The following SCN9A variants were observed in gnomAD, a reference collection of about 807,000 sequenced individuals.
The protein encoded by SCN9A is sodium channel protein type 9 subunit alpha.
A neutral mutation model predicts 187.0 loss-of-function variants in SCN9A; 131 were observed. The ratio of observed to expected loss-of-function variants is 0.70; its 90% CI spans 0.61 to 0.81. SCN9A has a LOEUF of 0.81. SCN9A is among the 30% of genes least tolerant of loss of function. The pLI, the probability that SCN9A is intolerant of heterozygous loss-of-function variation, is 0.00. For synonymous variants in SCN9A, 809 were observed against 808.6 expected (o/e 1.00, Z -0.01); for missense variants, 2,252 against 2,396.6 (o/e 0.94, Z 1.26).
intron 26 of SCN9A, among the ~76,000 whole-genome samples, chr2:166,202,636 C>T (rs1051529709): frequency 6.6e-6 from 1 of 151,750 alleles, no homozygotes; most frequent in Non-Finnish European, 1.5e-5. Flanking sequence ...AAGTACATGA[C>T]AATCCTTTCA....
chr2:166,364,587 C>A (rs4564789), intron 1 of SCN9A, among the ~76,000 whole-genome samples: 30,839 of 152,030 alleles, frequency 0.2, 4,040 homozygotes, highest in Non-Finnish European at 0.29. Context: ...CATGAAAAGA[C>A]AAATGCTATA....
At chr2:166,273,695 C>T (rs1407308419) in intron 16 of SCN9A, among the ~76,000 whole-genome samples, 2 of 151,284 alleles carry the variant, frequency 1.3e-5, no homozygotes, top group African/African-American at 4.9e-5. Flanking sequence ...GGGCAGGAAA[C>T]ATGTAAATTG....
chr2:166,213,709 A>T (rs1694197654), intron 24 of SCN9A, among the ~76,000 whole-genome samples: 1 of 152,188 alleles, frequency 6.6e-6, no homozygotes, highest in Admixed American at 6.5e-5. Context: ...AGAAAATTAC[A>T]GCTTTTGAAG....
rs149510675 is a variant in SCN9A, at chr2:166,254,479, T to C, written c.3352-2594A>G. Among the ~76,000 whole-genome samples the C allele has an allele frequency of 1.5e-3, 226 of 151,588 alleles. 1 individual carries two copies. The highest frequency in any genetic ancestry group is 5.1e-3 in the African/African-American group (212 of 41,514). ...ACCTTTATATAGAAAGGCTGATATA[T>C]ATAATAAAGTTTTTTTTTCCTGCGG... On this transcript the variant is annotated intron_variant, in intron 17 of 26. Transcript: ENST00000642356.
chr2:166,200,288 T>C (rs56821066), intron 26 of SCN9A, among the ~76,000 whole-genome samples: 134,894 of 151,490 alleles, frequency 0.89, 60,176 homozygotes, highest in East Asian at 0.95. Flanking sequence ...TGAGCCACCG[T>C]GCCCGGCCAA....
chr2:166,263,039 G>T (rs750940878), intron 17 of SCN9A, among the ~76,000 whole-genome samples: 3 of 151,908 alleles, frequency 2.0e-5, no homozygotes, highest in Admixed American at 6.6e-5. Flanking sequence ...CCTTATCGTG[G>T]CAGAAGGGAG....
intron 24 of SCN9A, among the ~76,000 whole-genome samples, chr2:166,222,955 A>AAAAAAAAAAAAAAAAAAAC (rs1694675021): frequency 7.9e-6 from 1 of 125,936 alleles, no homozygotes; most frequent in Non-Finnish European, 1.7e-5. Context: ...CAAAAAAAAA[A>AAAAAAAAAAAAAAAAAAAC]AAAAAAAAAA....
At chr2:166,310,802 G>T in intron 2 of SCN9A, among the ~76,000 whole-genome samples, 1 of 77,516 alleles carries the variant, frequency 1.3e-5, no homozygotes, top group Non-Finnish European at 2.6e-5. Context: ...GCACACATAT[G>T]TTTATTGTGG....
chr2:166,323,702 C>T (rs376288233), intron 1 of SCN9A, among the ~76,000 whole-genome samples: 4 of 151,926 alleles, frequency 2.6e-5, no homozygotes, highest in African/African-American at 9.7e-5. Context: ...GGCACCAATT[C>T]TATTGTGGCT....
Position 166,228,978 on chromosome 2 carries a change from A to G in SCN9A, c.3925-6T>C. ...ATGAGTGCATTCACAACGACCTAGTATTCAAAAGAAAGAAAAGCATGATTA... is the reference window on the plus strand; with the variant it reads ...ATGAGTGCATTCACAACGACCTAGTGTTCAAAAGAAAGAAAAGCATGATTA... On this transcript the variant is annotated splice_polypyrimidine_tract_variant and splice_region_variant and intron_variant, in intron 21 of 26. Transcript: ENST00000642356. 6.2e-7 allele frequency: 1 copy of G among 1,604,488 alleles called. No individual in the cohort carries two copies. Among genetic ancestry groups the G allele is most frequent in the Non-Finnish European group, 8.5e-7 (1 of 1,172,826 alleles).
At chr2:166,272,003 G>C (rs1254994037) in intron 17 of SCN9A, among the ~76,000 whole-genome samples, 1 of 152,134 alleles carries the variant, frequency 6.6e-6, no homozygotes, top group African/African-American at 2.4e-5. Flanking sequence ...AATGGAAGCA[G>C]AGGCATCAGT....
intron 1 of SCN9A, among the ~76,000 whole-genome samples, chr2:166,362,889 C>A (rs549368350): frequency 2.0e-5 from 3 of 152,032 alleles, no homozygotes; most frequent in African/African-American, 7.2e-5. Flanking sequence ...GATGAATTGA[C>A]CTGTTCATTT....
intron 17 of SCN9A, among the ~76,000 whole-genome samples, chr2:166,263,482 T>C (rs1696600618): frequency 6.6e-6 from 1 of 152,028 alleles, no homozygotes; most frequent in Non-Finnish European, 1.5e-5. Context: ...GTTCACTGCC[T>C]GTACTGCAAG....
At chr2:166,205,493 C>T (rs1430144999) in intron 24 of SCN9A, among the ~76,000 whole-genome samples, 1 of 152,156 alleles carries the variant, frequency 6.6e-6, no homozygotes, top group East Asian at 1.9e-4. Flanking sequence ...CTTCCTTACA[C>T]CTTGTACAAA....
chr2:166,283,386 A>G (rs1039520842), intron 12 of SCN9A, among the ~76,000 whole-genome samples: 4 of 152,180 alleles, frequency 2.6e-5, no homozygotes, highest in African/African-American at 9.6e-5. Context: ...CTTTACTCTC[A>G]CTTGAAATAC....
chr2:166,306,655 G>T, intron 3 of SCN9A, 56 bp from the exon 4 acceptor site: 3 of 1,199,758 alleles, frequency 2.5e-6, no homozygotes, highest in African/African-American at 1.5e-5. Flanking sequence ...AATATTTGAG[G>T]ATGACACTTG....
chr2:166,262,090 C>G lies in SCN9A; in HGVS notation c.3352-10205G>C, dbSNP rs553439485. Reference sequence around the variant, plus strand: ...GAGAGCTGGATAAGTCTTAGTAGCACTAAGAACCTCATAGTTACCTCAGCA... The same window carrying G: ...GAGAGCTGGATAAGTCTTAGTAGCAGTAAGAACCTCATAGTTACCTCAGCA... On this transcript the variant is annotated intron_variant, in intron 17 of 26. Transcript: ENST00000642356. Among the ~76,000 whole-genome samples, 67 of 151,926 alleles carry G rather than the reference C, an allele frequency of 4.4e-4. 1 individual carries two copies. Among genetic ancestry groups the G allele is most frequent in the Non-Finnish European group, 7.8e-4 (53 of 67,940 alleles).
Position 166,199,414 on chromosome 2 carries a change from C to A in SCN9A, c.5225G>T (p.Ser1742Ile). ...NPSVGIFYFV[S>I]YIIISFLVVV... ...AACCAGGAAGGATATGATGATATAA[C>A]TAACAAAGTAGAATATTCCAACAGA... is the stretch of plus-strand genomic sequence containing the variant. Residue 1742 changes from serine (S) to isoleucine (I), a missense_variant, in exon 27 of 27, where the codon AGT becomes ATT. By Grantham distance (142) the Ser-to-Ile change is moderately radical. Around this residue, in one of 7 missense-constraint regions of SCN9A, gnomAD observed 345 missense variants for 344.6 expected, o/e 1.00. Coordinates refer to ENST00000642356, the MANE Select transcript of SCN9A (RefSeq NM_001365536.1). 1 of 1,614,182 alleles carries A rather than the reference C, an allele frequency of 6.2e-7. No individual in the cohort carries two copies. The highest frequency in any genetic ancestry group is 8.5e-7 in the Non-Finnish European group (1 of 1,180,036).
Position 166,198,555 on chromosome 2 carries a change from A to G in SCN9A, c.*117T>C. 4 of 754,872 alleles carry G rather than the reference A, an allele frequency of 5.3e-6. No homozygotes were observed. The highest frequency in any genetic ancestry group is 3.8e-4 in the Middle Eastern group (1 of 2,644). 46.8% of individuals were successfully genotyped at this position (754,872 alleles called of 1,614,324 possible). Reference sequence around the variant, plus strand: ...TTAGGAAATCAGAGTTAGTGACTGCACTGCCTTCGAGAATATTTTGATAAA... The same window carrying G: ...TTAGGAAATCAGAGTTAGTGACTGCGCTGCCTTCGAGAATATTTTGATAAA... On this transcript the variant is annotated 3_prime_UTR_variant, in exon 27 of 27. Coordinates refer to ENST00000642356, the MANE Select transcript of SCN9A (RefSeq NM_001365536.1).
Sources: gnomAD v4.1 joint callset for allele counts (sites outside exome capture counted in the v4.1 genomes callset) on GRCh38, gnomAD v4.1.1 for gene constraint, gnomAD v4.1.1 regional missense constraint, MANE v1.5 for transcripts, NCBI Gene and HGNC (gene_info 2026-07-23, HGNC 2026-07-21) for gene names.